Variants in DNM3 observed in about 807,000 individuals in gnomAD.
The protein encoded by DNM3 is dynamin 3.
A neutral mutation model predicts 101.6 loss-of-function variants in DNM3; 47 were observed. That is an observed-to-expected ratio of 0.46 (90% CI 0.37 to 0.59). DNM3 has a LOEUF of 0.59. Ranked by LOEUF, DNM3 falls within the 20% of genes least tolerant of loss-of-function variation. DNM3 has a pLI of 0.00. For synonymous variants in DNM3, 385 were observed against 387.9 expected, an observed-to-expected ratio of 0.99 and a Z score of 0.09; for missense variants, 849 against 1,085.7, an observed-to-expected ratio of 0.78 and a Z score of 3.06.
chr1:172,095,509 ATTTTCT>A (rs2054186896), intron 13 of DNM3, among the ~76,000 whole-genome samples: 1 of 152,094 alleles, frequency 6.6e-6, no homozygotes, highest in Non-Finnish European at 1.5e-5. Context: ...ATGACTTGAA[ATTTTCT>A]TTATGAATCT....
intron 14 of DNM3, chr1:172,133,506 T>TCA: frequency 2.3e-6 from 2 of 867,280 alleles, no homozygotes; most frequent in Non-Finnish European, 2.8e-6. Context: ...TGGAATTATT[T>TCA]AGATGAAGAA....
chr1:172,304,222 A>AAAAAAAAAAAAAAAAAAAAAAAC lies in DNM3; in HGVS notation c.1770-4506_1770-4505insAAAAAAAAAAAAAAAAAAAAAAC, dbSNP rs745651671. ...AAAGGAAAGCAAAAAAAAAAAAAAA[A>AAAAAAAAAAAAAAAAAAAAAAAC]CAGGAGTTGCAATCCTAGTCTCTGA... On this transcript the variant is annotated intron_variant, in intron 15 of 20. Transcript: ENST00000627582. 2.5e-4 allele frequency among the ~76,000 whole-genome samples: 32 copies of AAAAAAAAAAAAAAAAAAAAAAAC among 128,966 alleles called. 2 individuals are homozygous for AAAAAAAAAAAAAAAAAAAAAAAC. The highest frequency in any genetic ancestry group is 9.8e-4 in the African/African-American group (28 of 28,614). 84.6% of individuals were successfully genotyped at this position (128,966 alleles called of 152,430 possible).
intron 2 of DNM3, among the ~76,000 whole-genome samples, chr1:171,978,301 A>C (rs2044530922): frequency 1.3e-5 from 2 of 152,218 alleles, no homozygotes; most frequent in Non-Finnish European, 2.9e-5. Context: ...TACTTTGTCC[A>C]GTCAGGGAAA....
intron 6 of DNM3, among the ~76,000 whole-genome samples, chr1:172,035,133 A>G (rs1323830805): frequency 6.6e-6 from 1 of 152,116 alleles, no homozygotes; most frequent in Non-Finnish European, 1.5e-5. Flanking sequence ...TAGGTGGTAG[A>G]TTAGAGCTGT....
chr1:172,121,202 A>G (rs1201126942), intron 13 of DNM3, among the ~76,000 whole-genome samples: 1 of 152,202 alleles, frequency 6.6e-6, no homozygotes, highest in Non-Finnish European at 1.5e-5. Flanking sequence ...TGGGAAAGAT[A>G]CACAGGAAAA....
intron 19 of DNM3, 84 bp downstream of exon 19, chr1:172,387,443 G>T (rs962507983): frequency 9.1e-7 from 1 of 1,097,120 alleles, no homozygotes; most frequent in African/African-American, 1.6e-5. Flanking sequence ...GGATCACGAG[G>T]TCAGGAGATC....
intron 17 of DNM3, among the ~76,000 whole-genome samples, chr1:172,337,751 A>T (rs1462118351): frequency 2.0e-5 from 3 of 152,134 alleles, no homozygotes; most frequent in Non-Finnish European, 2.9e-5. Flanking sequence ...CATCAGACAT[A>T]GCCAAGTTGC....
intron 4 of DNM3, among the ~76,000 whole-genome samples, chr1:171,989,757 T>G (rs2045513192): frequency 6.6e-6 from 1 of 152,170 alleles, no homozygotes; most frequent in African/African-American, 2.4e-5. Flanking sequence ...GAGACCTCAG[T>G]GCTGGCCTTG....
Sources: gnomAD v4.1 joint callset for allele counts (sites outside exome capture counted in the v4.1 genomes callset) on GRCh38, gnomAD v4.1.1 for gene constraint, MANE v1.5 for transcripts, NCBI Gene and HGNC (gene_info 2026-07-23, HGNC 2026-07-21) for gene names.